ARHGAP42: variants seen among roughly 807,000 people sequenced by gnomAD.
ARHGAP42 encodes the protein rho GTPase-activating protein 42.
In ARHGAP42, 63 loss-of-function variants were observed where a neutral mutation model predicts 125.0. The ratio of observed to expected loss-of-function variants is 0.50; its 90% CI spans 0.41 to 0.62. The LOEUF (loss-of-function observed/expected upper bound fraction) is 0.62, where lower values mean the gene tolerates loss of function less well. Ranked by LOEUF, ARHGAP42 falls within the 20% of genes least tolerant of loss-of-function variation. The pLI is 0.00. For synonymous variants in ARHGAP42, 339 were observed against 351.0 expected (o/e 0.97, Z 0.38); for missense variants, 766 against 1,024.2 (o/e 0.75, Z 3.44).
chr11:100,705,493 T>A (rs936281456), intron 1 of ARHGAP42, among the ~76,000 whole-genome samples: 1 of 152,236 alleles, frequency 6.6e-6, no homozygotes, highest in Admixed American at 6.5e-5. Context: ...ATTTACTTTA[T>A]CTGCATATTT....
intron 3 of ARHGAP42, among the ~76,000 whole-genome samples, chr11:100,813,155 G>A (rs1365573416): frequency 6.6e-6 from 1 of 151,818 alleles, no homozygotes; most frequent in African/African-American, 2.4e-5. Context: ...GCAATGATGT[G>A]TCATTGGTAG....
At chr11:100,962,989 C>A (rs766935194) in intron 16 of ARHGAP42, among the ~76,000 whole-genome samples, 56 of 152,292 alleles carry the variant, frequency 3.7e-4, no homozygotes, top group Admixed American at 1.3e-3. Flanking sequence ...CTTAGTGAGA[C>A]CTCATTGGGT....
chr11:100,845,846 GT>G (rs1865054212), intron 3 of ARHGAP42, among the ~76,000 whole-genome samples: 1 of 152,146 alleles, frequency 6.6e-6, no homozygotes. Flanking sequence ...AAGAAGCTGT[GT>G]TTTTGACCCT....
chr11:100,991,904 C>A lies in ARHGAP42; in HGVS notation c.*3103C>A. 1 of 157,856 alleles carries A rather than the reference C, an allele frequency of 6.3e-6. No individual in the cohort carries two copies. The highest frequency in any genetic ancestry group is 1.4e-5 in the Non-Finnish European group (1 of 72,096). The allele number at this position is 157,856 out of a possible 1,614,324, so 9.8% of individuals were successfully genotyped here. A position where few individuals can be genotyped will look rare whatever the true frequency, so the allele number is the denominator to read the frequency against. ...TAAAACCCCAAATTATCTAGGTTTC[C>A]AAGTAGGAAAAATAAAGATACATAT... is the stretch of plus-strand genomic sequence containing the variant. On this transcript the variant is annotated 3_prime_UTR_variant, in exon 24 of 24. Transcript: ENST00000298815.
chr11:100,747,143 G>A (rs1162619262), intron 1 of ARHGAP42, among the ~76,000 whole-genome samples: 2 of 152,210 alleles, frequency 1.3e-5, no homozygotes, highest in African/African-American at 4.8e-5. Context: ...GGAGGAGAAG[G>A]TGGAGGATAA....
At chr11:100,900,135 G>GT (rs1052901556) in intron 4 of ARHGAP42, among the ~76,000 whole-genome samples, 2 of 151,136 alleles carry the variant, frequency 1.3e-5, no homozygotes, top group African/African-American at 4.9e-5. Context: ...TTGCTTGTTT[G>GT]TAAAGGATTT....
At chr11:100,720,024 A>C (rs1045435625) in intron 1 of ARHGAP42, among the ~76,000 whole-genome samples, 1 of 152,208 alleles carries the variant, frequency 6.6e-6, no homozygotes, top group African/African-American at 2.4e-5. Context: ...CACCGTAGTC[A>C]ACATTTGTAG....
intron 3 of ARHGAP42, among the ~76,000 whole-genome samples, chr11:100,836,886 C>G (rs1864801377): frequency 6.6e-6 from 1 of 151,718 alleles, no homozygotes; most frequent in African/African-American, 2.4e-5. Context: ...TGATTACTTT[C>G]TGCTTTCTAG....
At chr11:100,843,859 A>G (rs931944690) in intron 3 of ARHGAP42, among the ~76,000 whole-genome samples, 1 of 152,176 alleles carries the variant, frequency 6.6e-6, no homozygotes, top group African/African-American at 2.4e-5. Context: ...ATGTTGTGAA[A>G]AAGACCATAC....
At chr11:100,883,896 T>G (rs1056083391) in intron 4 of ARHGAP42, among the ~76,000 whole-genome samples, 2 of 152,160 alleles carry the variant, frequency 1.3e-5, no homozygotes, top group African/African-American at 4.8e-5. Flanking sequence ...CTGTAGTGTA[T>G]TTTTAGAAGT....
intron 2 of ARHGAP42, among the ~76,000 whole-genome samples, chr11:100,784,442 G>C (rs910527524): frequency 6.6e-6 from 1 of 152,198 alleles, no homozygotes; most frequent in Non-Finnish European, 1.5e-5. Flanking sequence ...TATGACAGCA[G>C]AGATGAAGTA....
chr11:100,779,467 A>AAAT (rs1554996406), intron 2 of ARHGAP42, among the ~76,000 whole-genome samples: 9 of 85,670 alleles, frequency 1.1e-4, no homozygotes, highest in East Asian at 8.6e-4. Flanking sequence ...AAAAAAAAAA[A>AAAT]ATATATATAT....
At chr11:100,698,509 C>T (rs144481894) in intron 1 of ARHGAP42, among the ~76,000 whole-genome samples, 2,194 of 152,124 alleles carry the variant, frequency 0.014, 80 homozygotes, top group African/African-American at 0.051. Flanking sequence ...ACCCCCGTTT[C>T]TACTAAAAAT....
At position 100,976,448 on chromosome 11, in the gene ARHGAP42, G is replaced by A. The variant is rs1284582390; in HGVS notation, c.2236+11G>A. Reference sequence around the variant, plus strand: ...TCTCTGCAGCTGAAGGTAAGGCAGAGTGGAACTTGTGCAAGATGTCATTGT... The same window carrying A: ...TCTCTGCAGCTGAAGGTAAGGCAGAATGGAACTTGTGCAAGATGTCATTGT... On this transcript the variant is annotated intron_variant, in intron 20 of 23. Coordinates refer to ENST00000298815, the MANE Select transcript of ARHGAP42 (RefSeq NM_152432.4). 1.1e-5 allele frequency: 16 copies of A among 1,504,202 alleles called. No homozygotes were observed. The highest frequency in any genetic ancestry group is 1.2e-5 in the Non-Finnish European group (14 of 1,128,858). The allele number at this position is 1,504,202 out of a possible 1,614,324, so 93.2% of individuals were successfully genotyped here. A position where few individuals can be genotyped will look rare whatever the true frequency, so the allele number is the denominator to read the frequency against.
intron 1 of ARHGAP42, among the ~76,000 whole-genome samples, chr11:100,766,926 A>T (rs1862842903): frequency 6.6e-6 from 1 of 152,142 alleles, no homozygotes; most frequent in South Asian, 2.1e-4. Flanking sequence ...ATGCTTCCAG[A>T]AGGACTGTGA....
At chr11:100,877,740 C>T (rs954868696) in intron 4 of ARHGAP42, among the ~76,000 whole-genome samples, 106 of 152,240 alleles carry the variant, frequency 7.0e-4, no homozygotes, top group African/African-American at 2.5e-3. Context: ...GGCGCGGTGG[C>T]TCACGCCTGT....
chr11:100,821,340 G>A (rs1271427154), intron 3 of ARHGAP42, among the ~76,000 whole-genome samples: 1 of 152,128 alleles, frequency 6.6e-6, no homozygotes, highest in Non-Finnish European at 1.5e-5. Context: ...ATAGGAAAGT[G>A]TGGCTAGAGT....
intron 1 of ARHGAP42, among the ~76,000 whole-genome samples, chr11:100,758,704 G>A (rs1021180101): frequency 6.6e-6 from 1 of 152,162 alleles, no homozygotes; most frequent in Non-Finnish European, 1.5e-5. Flanking sequence ...CTTACTATGT[G>A]CTGTGATGAA....
At chr11:100,933,939 C>T (rs1867655418) in intron 7 of ARHGAP42, among the ~76,000 whole-genome samples, 1 of 152,064 alleles carries the variant, frequency 6.6e-6, no homozygotes, top group Non-Finnish European at 1.5e-5. Flanking sequence ...AGGCATGCAC[C>T]ACTACACCTG....
Sources: allele counts gnomAD v4.1 joint callset (sites outside exome capture counted in the v4.1 genomes callset), GRCh38; gene constraint gnomAD v4.1.1; transcripts MANE v1.5; gene names NCBI Gene and HGNC (gene_info 2026-07-23, HGNC 2026-07-21).